INSYN2B: variants seen among roughly 807,000 people sequenced by gnomAD.
The protein encoded by INSYN2B is inhibitory synaptic factor family member 2B.
A neutral mutation model predicts 41.2 loss-of-function variants in INSYN2B; 16 were observed. That is an observed-to-expected ratio of 0.39 (90% confidence interval 0.26 to 0.59). INSYN2B has a LOEUF of 0.59. Ranked by LOEUF, INSYN2B falls within the 20% of genes least tolerant of loss-of-function variation. INSYN2B has a pLI of 0.57. For synonymous variants in INSYN2B, 245 were observed against 244.4 expected (o/e 1.00, Z -0.02); for missense variants, 608 against 646.4 (o/e 0.94, Z 0.64).
chr5:169,952,136 A>G (rs989111366), intron 1 of INSYN2B, among the ~76,000 whole-genome samples: 1 of 152,224 alleles, frequency 6.6e-6, no homozygotes, highest in African/African-American at 2.4e-5. Context: ...ACTGTGACTA[A>G]GAAAACAGAA....
At chr5:169,939,851 A>T in intron 1 of INSYN2B, among the ~76,000 whole-genome samples, 1 of 152,250 alleles carries the variant, frequency 6.6e-6, no homozygotes, top group Non-Finnish European at 1.5e-5. Flanking sequence ...CAGGCACTGA[A>T]TAAGGTACTT....
chr5:169,976,785 C>T (rs957229479), intron 1 of INSYN2B, among the ~76,000 whole-genome samples: 2 of 152,132 alleles, frequency 1.3e-5, no homozygotes, highest in Admixed American at 6.6e-5. Context: ...ATGCCCACAG[C>T]GTCAGGCAGG....
At chr5:169,886,225 G>T (rs1325172199) in intron 1 of INSYN2B, among the ~76,000 whole-genome samples, 1 of 152,182 alleles carries the variant, frequency 6.6e-6, no homozygotes, top group African/African-American at 2.4e-5. Context: ...AGAGTTTCAT[G>T]AGCAGGTGGT....
At chr5:169,975,375 C>A (rs1480227506) in intron 1 of INSYN2B, among the ~76,000 whole-genome samples, 1 of 152,172 alleles carries the variant, frequency 6.6e-6, no homozygotes, top group Admixed American at 6.5e-5. Context: ...TCAATGGCTT[C>A]TCTTTGTACT....
chr5:169,881,525 C>G, intron 2 of INSYN2B, 83 bp from the exon 3 acceptor site: 1 of 1,027,160 alleles, frequency 9.7e-7, no homozygotes, highest in Non-Finnish European at 1.5e-6. Context: ...GTCCCTTAGT[C>G]CCTATAGCAC....
intron 1 of INSYN2B, among the ~76,000 whole-genome samples, chr5:169,964,725 G>T (rs570003201): frequency 6.6e-6 from 1 of 152,350 alleles, no homozygotes; most frequent in African/African-American, 2.4e-5. Context: ...TTGGTGCCAT[G>T]TAGTAGCTGA....
chr5:169,962,353 A>G (rs1777124624), intron 1 of INSYN2B, among the ~76,000 whole-genome samples: 1 of 152,222 alleles, frequency 6.6e-6, no homozygotes, highest in Non-Finnish European at 1.5e-5. Flanking sequence ...ATGGCCAGTC[A>G]GAAAAAGTGG....
intron 1 of INSYN2B, among the ~76,000 whole-genome samples, chr5:169,944,779 G>A (rs1017706330): frequency 3.3e-5 from 5 of 152,180 alleles, no homozygotes; most frequent in African/African-American, 7.2e-5. Context: ...AGCACCTTGT[G>A]CTGTTGTCTG....
intron 3 of INSYN2B, among the ~76,000 whole-genome samples, chr5:169,879,052 A>G (rs1772485616): frequency 6.6e-6 from 1 of 152,174 alleles, no homozygotes; most frequent in South Asian, 2.1e-4. Flanking sequence ...ATGACCCCAC[A>G]TGTCTTGATA....
chr5:169,918,140 C>T (rs1774976777), intron 1 of INSYN2B, among the ~76,000 whole-genome samples: 1 of 152,152 alleles, frequency 6.6e-6, no homozygotes, highest in Non-Finnish European at 1.5e-5. Flanking sequence ...GTTCAATTTG[C>T]TTTGGATGGC....
chr5:169,961,978 C>CAAAAAAAAAAAAAAAAAAAAAAAAAAA lies in INSYN2B; in HGVS notation c.-919+18298_-919+18299insTTTTTTTTTTTTTTTTTTTTTTTTTTT, dbSNP rs70979150. 1.2e-4 allele frequency among the ~76,000 whole-genome samples: 9 copies of CAAAAAAAAAAAAAAAAAAAAAAAAAAA among 74,634 alleles called. 2 individuals are homozygous for CAAAAAAAAAAAAAAAAAAAAAAAAAAA. Among genetic ancestry groups the CAAAAAAAAAAAAAAAAAAAAAAAAAAA allele is most frequent in the African/African-American group, 2.0e-4 (3 of 14,776 alleles). The allele number at this position is 74,634 out of a possible 152,430, so 49.0% of individuals were successfully genotyped here. A position where few individuals can be genotyped will look rare whatever the true frequency, so the allele number is the denominator to read the frequency against. ...TGGGTGAAAAAGTGAGACTCTGTCC[C>CAAAAAAAAAAAAAAAAAAAAAAAAAAA]AAAAAAAAAAAAAAAAATGGAGAAA... is the stretch of plus-strand genomic sequence containing the variant. On this transcript the variant is annotated intron_variant, in intron 1 of 3. Coordinates refer to ENST00000377365, the MANE Select transcript of INSYN2B (RefSeq NM_001129891.3).
chr5:169,908,080 A>G (rs541129216), intron 1 of INSYN2B, among the ~76,000 whole-genome samples: 1 of 152,208 alleles, frequency 6.6e-6, no homozygotes, highest in Non-Finnish European at 1.5e-5. Context: ...AAAAGCTTTC[A>G]TTGAACAACA....
intron 1 of INSYN2B, among the ~76,000 whole-genome samples, chr5:169,943,320 G>A (rs1776314836): frequency 2.0e-5 from 3 of 152,108 alleles, no homozygotes; most frequent in Admixed American, 1.3e-4. Flanking sequence ...CTGTCTAAAG[G>A]TTGATCCCAC....
At chr5:169,922,672 G>C (rs1775237749) in intron 1 of INSYN2B, among the ~76,000 whole-genome samples, 1 of 152,202 alleles carries the variant, frequency 6.6e-6, no homozygotes, top group Non-Finnish European at 1.5e-5. Context: ...TAAGTGATTT[G>C]TATATGGTCA....
At chr5:169,929,628 T>A (rs867990907) in intron 1 of INSYN2B, among the ~76,000 whole-genome samples, 3 of 151,304 alleles carry the variant, frequency 2.0e-5, no homozygotes, top group Non-Finnish European at 4.4e-5. Context: ...CTGTAGTCCC[T>A]GCTACTCGGA....
At chr5:169,893,479 C>CTTT (rs200833735) in intron 1 of INSYN2B, among the ~76,000 whole-genome samples, 1 of 143,028 alleles carries the variant, frequency 7.0e-6, no homozygotes, top group African/African-American at 2.6e-5. Context: ...TTTTCTTACC[C>CTTT]TTTTTTTTTT....
intron 1 of INSYN2B, among the ~76,000 whole-genome samples, chr5:169,915,347 G>C (rs11741667): frequency 0.37 from 56,158 of 151,856 alleles, 10,651 homozygotes; most frequent in South Asian, 0.42. Flanking sequence ...GCACCAGTAA[G>C]CACTAATATT....
intron 1 of INSYN2B, among the ~76,000 whole-genome samples, chr5:169,939,338 G>A (rs897308009): frequency 1.3e-5 from 2 of 152,032 alleles, no homozygotes; most frequent in African/African-American, 4.8e-5. Flanking sequence ...CTCATTGAAG[G>A]TCTTCAGGGA....
rs193261465 is a variant in INSYN2B, at chr5:169,878,923, C to T, written c.1421+2445G>A. 2.1e-3 allele frequency among the ~76,000 whole-genome samples: 318 copies of T among 152,256 alleles called. 1 individual carries two copies. Among genetic ancestry groups the T allele is most frequent in the African/African-American group, 6.9e-3 (288 of 41,546 alleles). On this transcript the variant is annotated intron_variant, in intron 3 of 3. Coordinates refer to ENST00000377365, the MANE Select transcript of INSYN2B (RefSeq NM_001129891.3). ...AGCTCCTGAGAGCCATGGATAGAAT[C>T]TCTAGGCATTGGTGTTGGGTCTGTG...
Sources: gnomAD v4.1 joint callset for allele counts (sites outside exome capture counted in the v4.1 genomes callset) on GRCh38, gnomAD v4.1.1 for gene constraint, MANE v1.5 for transcripts, NCBI Gene and HGNC (gene_info 2026-07-23, HGNC 2026-07-21) for gene names.